The following VIP variants were observed in gnomAD, a reference collection of about 807,000 sequenced individuals.
VIP encodes VIP peptides.
In VIP, 18 loss-of-function variants were observed where a neutral mutation model predicts 20.1. That is an observed-to-expected ratio of 0.90 (90% CI 0.62 to 1.33). VIP has a LOEUF of 1.33. Ranked by LOEUF, VIP falls within the 40% of genes most tolerant of loss-of-function variation. The pLI, the probability that VIP is intolerant of heterozygous loss-of-function variation, is 0.00. For synonymous variants in VIP, 70 were observed against 68.1 expected (o/e 1.03, Z -0.14); for missense variants, 209 against 199.4 (o/e 1.05, Z -0.29).
chr6:152,755,077 A>G (rs2099730209), intron 3 of VIP, among the ~76,000 whole-genome samples, 192 bp from the exon 4 acceptor site: 1 of 151,934 alleles, frequency 6.6e-6, no homozygotes, highest in Non-Finnish European at 1.5e-5. Context: ...GGCTAGAAAT[A>G]TAGGGTATAT....
intron 2 of VIP, among the ~76,000 whole-genome samples, chr6:152,753,004 G>T (rs575927677): frequency 2.9e-4 from 44 of 152,066 alleles, no homozygotes; most frequent in African/African-American, 9.9e-4. Flanking sequence ...TCAGTTTACG[G>T]GCACCACTGT....
At position 152,758,739 on chromosome 6, in the gene VIP, C is replaced by T. The variant is rs139920156; in HGVS notation, c.*44-171C>T. On this transcript the variant is annotated intron_variant, in intron 6 of 6. Transcript: ENST00000367244. ...TCCAGTTCCTCTCTGATAATCAGTC[C>T]TCTAGAAGCTGCTCTCTTGGTATGT... Among the ~76,000 whole-genome samples, 300 of 152,044 alleles carry T rather than the reference C, an allele frequency of 2.0e-3. 1 individual carries two copies. The highest frequency in any genetic ancestry group is 3.9e-3 in the Admixed American group (60 of 15,228).
intron 3 of VIP, 111 bp from the exon 4 acceptor site, chr6:152,755,158 A>G (rs1487249803): frequency 1.7e-6 from 1 of 604,576 alleles, no homozygotes; most frequent in Non-Finnish European, 2.7e-6. Flanking sequence ...TTTAGTTTTA[A>G]TGAGAAGCTT....
In VIP at chr6:152,752,271, C is replaced by A. The variant is rs766125030; in HGVS notation, c.94C>A (p.Pro32Thr). 2.5e-6 allele frequency: 4 copies of A among 1,612,762 alleles called. No homozygotes were observed. Among genetic ancestry groups the A allele is most frequent in the South Asian group, 2.2e-5 (2 of 91,044 alleles). Residue 32 changes from proline to threonine, a missense_variant, in exon 2 of 7, where the codon CCT (proline) becomes ACT (threonine). Transcript: ENST00000367244. ...QTSAWPLYRA[P>T]SALRLGDRIP... ...TTCGGCATGGCCTCTTTACAGGGCA[C>A]CTTCTGCTCTCAGGTAAGTTCCCTT... is the stretch of plus-strand genomic sequence containing the variant.
chr6:152,757,187 G>A lies in VIP; in HGVS notation c.*43+3G>A, dbSNP rs1029198491. 5 of 1,579,844 alleles carry A rather than the reference G, an allele frequency of 3.2e-6. No homozygotes were observed. The highest frequency in any genetic ancestry group is 1.4e-5 in the African/African-American group (1 of 74,010). On this transcript the variant is annotated splice_donor_region_variant and intron_variant, in intron 6 of 6. Coordinates refer to ENST00000367244, the MANE Select transcript of VIP (RefSeq NM_003381.4). ...AAGCTGATGACAACTTCCCAGTGGT[G>A]GGTATATTCGTGCATTCCTTCTGTA...
intron 2 of VIP, 88 bp from the exon 3 acceptor site, chr6:152,754,078 T>C: frequency 7.1e-7 from 1 of 1,416,102 alleles, no homozygotes; most frequent in Non-Finnish European, 9.5e-7. Context: ...CCCAAGAGTC[T>C]AAGTATCTTA....
At position 152,756,239 on chromosome 6, in the gene VIP, G is replaced by T; in HGVS notation, c.441G>T (p.Leu147Phe). 6.2e-7 allele frequency: 1 copy of T among 1,610,586 alleles called. No individual in the cohort carries two copies. The highest frequency in any genetic ancestry group is 1.1e-5 in the South Asian group (1 of 90,662). Residue 147 changes from leucine to phenylalanine, a missense_variant, in exon 5 of 7, where the codon TTG (leucine) becomes TTT (phenylalanine). Leu to Phe is a conservative substitution (Grantham distance 22). Transcript: ENST00000367244. ...AACAAATGGCTGTAAAGAAATATTT[G>T]AACTCAATTCTGAATGGAAAGAGGA... ...LRKQMAVKKY[L>F]NSILNGKRSS... is the part of the protein sequence containing the mutation.
rs979028182 is a variant in VIP, at chr6:152,751,658, G to A, written c.-10-510G>A. ...TACAATTGAAAGAGGAAAAAGTAATGTATATACAAAATCTTTTTTAAAATT... is the reference window on the plus strand; with the variant it reads ...TACAATTGAAAGAGGAAAAAGTAATATATATACAAAATCTTTTTTAAAATT... On this transcript the variant is annotated intron_variant, in intron 1 of 6. Transcript: ENST00000367244. 2.6e-5 allele frequency among the ~76,000 whole-genome samples: 4 copies of A among 152,028 alleles called. No individual in the cohort carries two copies. The East Asian group carries it at 7.7e-4, about 29-fold the overall frequency.
chr6:152,751,886 G>C (rs1172152477), intron 1 of VIP, among the ~76,000 whole-genome samples: 1 of 152,014 alleles, frequency 6.6e-6, no homozygotes, highest in Non-Finnish European at 1.5e-5. Context: ...TTGTCCCCAG[G>C]GTTATTTCCA....
chr6:152,754,577 A>G (rs2099730124), intron 3 of VIP, among the ~76,000 whole-genome samples: 2 of 152,008 alleles, frequency 1.3e-5, no homozygotes, highest in African/African-American at 4.8e-5. Context: ...AAAGTACAGC[A>G]TTTAGCATTC....
At chr6:152,754,423 C>A (rs968129703) in intron 3 of VIP, 135 bp downstream of exon 3, 1 of 788,694 alleles carries the variant, frequency 1.3e-6, no homozygotes, top group Non-Finnish European at 1.9e-6. Flanking sequence ...TGTGTCATGG[C>A]TTCATTCATC....
intron 5 of VIP, 81 bp downstream of exon 5, chr6:152,756,346 C>G: frequency 6.8e-7 from 1 of 1,461,518 alleles, no homozygotes; most frequent in Non-Finnish European, 9.2e-7. Flanking sequence ...ACCTCTCTAT[C>G]TCACTTATCT....
In VIP at chr6:152,759,087, A is replaced by G. The variant is rs1288164104; in HGVS notation, c.*221A>G. 1 of 152,458 alleles carries G rather than the reference A, an allele frequency of 6.6e-6. No homozygotes were observed. Among genetic ancestry groups the G allele is most frequent in the Non-Finnish European group, 1.5e-5 (1 of 67,950 alleles). 9.4% of individuals were successfully genotyped at this position (152,458 alleles called of 1,614,324 possible). On this transcript the variant is annotated 3_prime_UTR_variant, in exon 7 of 7. Coordinates refer to ENST00000367244, the MANE Select transcript of VIP (RefSeq NM_003381.4). ...ATTGTAAATAGTATTTGAGAGTTCTAAATTTTGTCTTTAACTCATAAAAAG... is the reference window on the plus strand; with the variant it reads ...ATTGTAAATAGTATTTGAGAGTTCTGAATTTTGTCTTTAACTCATAAAAAG...
intron 1 of VIP, among the ~76,000 whole-genome samples, chr6:152,751,804 C>G (rs571689931): frequency 4.5e-4 from 68 of 152,178 alleles, no homozygotes; most frequent in African/African-American, 1.5e-3. Flanking sequence ...AGAAGAAAAT[C>G]AATGTCTTGA....
At chr6:152,753,884 A>G (rs776070973) in intron 2 of VIP, among the ~76,000 whole-genome samples, 23 of 152,116 alleles carry the variant, frequency 1.5e-4, no homozygotes, top group Non-Finnish European at 8.8e-5. Context: ...CCAAAGAAGT[A>G]TAGTTTGCTT....
chr6:152,754,621 C>G (rs1483531732), intron 3 of VIP, among the ~76,000 whole-genome samples: 1 of 151,904 alleles, frequency 6.6e-6, no homozygotes, highest in Non-Finnish European at 1.5e-5. Flanking sequence ...AGTTTTGTCT[C>G]TATATAAAGA....
intron 5 of VIP, 27 bp from the exon 6 acceptor site, chr6:152,757,069 T>A: frequency 6.2e-7 from 1 of 1,610,122 alleles, no homozygotes; most frequent in African/African-American, 1.3e-5. Flanking sequence ...AGAGCCTTAA[T>A]ATGTACAATG....
At chr6:152,758,613 G>A (rs1008080958) in intron 6 of VIP, among the ~76,000 whole-genome samples, 1 of 151,914 alleles carries the variant, frequency 6.6e-6, no homozygotes, top group Non-Finnish European at 1.5e-5. Flanking sequence ...TTAAATGGGT[G>A]GCTTTGGACA....
At chr6:152,754,082 T>C in intron 2 of VIP, 84 bp from the exon 3 acceptor site, 2 of 1,434,140 alleles carry the variant, frequency 1.4e-6, no homozygotes, top group Non-Finnish European at 1.9e-6. Flanking sequence ...AGAGTCTAAG[T>C]ATCTTATTTT....
Sources: gnomAD v4.1 joint callset for allele counts (sites outside exome capture counted in the v4.1 genomes callset) on GRCh38, gnomAD v4.1.1 for gene constraint, MANE v1.5 for transcripts, NCBI Gene and HGNC (gene_info 2026-07-23, HGNC 2026-07-21) for gene names.